EML1: variants seen among roughly 807,000 people sequenced by gnomAD.
EML1 encodes the protein EMAP like 1.
Under a neutral mutation model 110.4 loss-of-function variants are expected in EML1, and 27 were observed. The observed-to-expected ratio is 0.24, with a 90% confidence interval of 0.18 to 0.34. The LOEUF (loss-of-function observed/expected upper bound fraction) is 0.34. Among genes scored for constraint, EML1 ranks in the 10% least tolerant of loss-of-function variants. The pLI, the probability that EML1 is intolerant of heterozygous loss-of-function variation, is 1.00. For missense variants in EML1, 741 were observed against 1,030.9 expected (o/e 0.72, Z 3.85); for synonymous variants, 344 against 385.8 (o/e 0.89, Z 1.27).
At chr14:99,771,489 G>A (rs2057427973), upstream of EML1, among the ~76,000 whole-genome samples, 1 of 152,208 alleles carries the variant, frequency 6.6e-6, no homozygotes, top group South Asian at 2.1e-4. Flanking sequence ...GAGACATGTG[G>A]ATTGTTTCCA....
intron 1 of EML1, among the ~76,000 whole-genome samples, chr14:99,833,265 T>G (rs949224152): frequency 2.6e-5 from 4 of 152,236 alleles, no homozygotes; most frequent in African/African-American, 9.6e-5. Context: ...TTGAAAAGAC[T>G]GTCTTTTCTC....
At chr14:99,853,913 C>T (rs577851357) in intron 2 of EML1, among the ~76,000 whole-genome samples, 102 of 152,302 alleles carry the variant, frequency 6.7e-4, no homozygotes, top group African/African-American at 2.2e-3. Context: ...TTAGGTGATC[C>T]GCCTGCCTCG....
At chr14:99,750,810 C>T (rs1192018120) in intron 1 of EML1, among the ~76,000 whole-genome samples, 4 of 152,018 alleles carry the variant, frequency 2.6e-5, no homozygotes, top group Non-Finnish European at 5.9e-5. Flanking sequence ...GAGTCTAACC[C>T]GATCGCCCCT....
In EML1 at chr14:99,744,122, T is replaced by C. The variant is rs920520385; in HGVS notation, c.28+6262T>C. ...TTTGCCTTCATCAAAACAGCCTCTT[T>C]GGTTATTTTGTTTCTTACTCTTTTT... On this transcript the variant is annotated intron_variant, in intron 1 of 10. Coordinates refer to the EML1 transcript ENST00000554479. Among the ~76,000 whole-genome samples, 7 of 152,188 alleles carry C rather than the reference T, an allele frequency of 4.6e-5. No homozygotes were observed. In the East Asian group the frequency reaches 7.7e-4, roughly 17 times the overall value.
At chr14:99,798,203 C>T (rs1368594211) in intron 1 of EML1, among the ~76,000 whole-genome samples, 4 of 152,130 alleles carry the variant, frequency 2.6e-5, no homozygotes, top group African/African-American at 9.7e-5. Flanking sequence ...ATAGTTCTTT[C>T]TCACATCTTC....
intron 9 of EML1, among the ~76,000 whole-genome samples, chr14:99,904,101 C>T (rs2059805186): frequency 6.6e-6 from 1 of 152,094 alleles, no homozygotes; most frequent in Non-Finnish European, 1.5e-5. Context: ...CAATTTTAAT[C>T]ACTGTGACCA....
intron 1 of EML1, among the ~76,000 whole-genome samples, chr14:99,813,065 GGC>G (rs1381872883): frequency 6.6e-6 from 1 of 152,112 alleles, no homozygotes; most frequent in African/African-American, 2.4e-5. Flanking sequence ...TACTCTGTTT[GGC>G]CCAGGAACCG....
At chr14:99,754,282 C>T (rs567988441) in intron 1 of EML1, among the ~76,000 whole-genome samples, 69 of 152,376 alleles carry the variant, frequency 4.5e-4, no homozygotes, top group African/African-American at 1.6e-3. Flanking sequence ...CAGGCGGTGA[C>T]ATCACCAGCT....
chr14:99,900,039 A>G (rs2059734846), intron 8 of EML1, among the ~76,000 whole-genome samples: 1 of 152,130 alleles, frequency 6.6e-6, no homozygotes, highest in Non-Finnish European at 1.5e-5. Context: ...TGATTGCTCT[A>G]TGATGTTTTC....
intron 3 of EML1, among the ~76,000 whole-genome samples, chr14:99,866,491 A>T (rs2059102514): frequency 6.9e-6 from 1 of 145,778 alleles, no homozygotes; most frequent in African/African-American, 2.6e-5. Flanking sequence ...AATCGCTTGA[A>T]CCTGGAAGGC....
chr14:99,817,140 G>A (rs1409131293), intron 1 of EML1, among the ~76,000 whole-genome samples: 2 of 152,144 alleles, frequency 1.3e-5, no homozygotes, highest in Non-Finnish European at 2.9e-5. Flanking sequence ...GGCAGCAAAT[G>A]CTGTTGTTTT....
intron 1 of EML1, among the ~76,000 whole-genome samples, chr14:99,748,710 T>A (rs1464434817): frequency 6.6e-6 from 1 of 152,144 alleles, no homozygotes; most frequent in Non-Finnish European, 1.5e-5. Context: ...AAAGTATATA[T>A]CCAGTGGTTG....
At chr14:99,916,236 T>C (rs2060032297) in intron 15 of EML1, among the ~76,000 whole-genome samples, 1 of 152,226 alleles carries the variant, frequency 6.6e-6, no homozygotes, top group Non-Finnish European at 1.5e-5. Flanking sequence ...TAACTCAGTG[T>C]CCACTTCTCA....
chr14:99,870,509 A>C (rs2059179849), intron 3 of EML1, among the ~76,000 whole-genome samples: 1 of 152,240 alleles, frequency 6.6e-6, no homozygotes, highest in Non-Finnish European at 1.5e-5. Context: ...AAACAGCGTT[A>C]CATTGGAGGA....
intron 3 of EML1, among the ~76,000 whole-genome samples, chr14:99,874,246 C>T (rs6575751): frequency 0.36 from 55,006 of 152,030 alleles, 10,971 homozygotes; most frequent in African/African-American, 0.52. Flanking sequence ...AATGCATATG[C>T]AATGTAATAT....
At chr14:99,741,891 C>A (rs1178421591) in intron 1 of EML1, among the ~76,000 whole-genome samples, 1 of 152,124 alleles carries the variant, frequency 6.6e-6, no homozygotes, top group Non-Finnish European at 1.5e-5. Flanking sequence ...GATATGGGAA[C>A]ACCTCTGAGA....
chr14:99,931,389 C>G (rs1022869973), intron 17 of EML1, among the ~76,000 whole-genome samples: 4 of 152,208 alleles, frequency 2.6e-5, no homozygotes, highest in Non-Finnish European at 4.4e-5. Context: ...CAGAGCAAGT[C>G]TAATTGAACC....
At chr14:99,829,178 A>G (rs2058409239) in intron 1 of EML1, among the ~76,000 whole-genome samples, 2 of 152,082 alleles carry the variant, frequency 1.3e-5, no homozygotes, top group South Asian at 2.1e-4. Context: ...TCTCTGTTTG[A>G]CCAACTCCTT....
intron 3 of EML1, among the ~76,000 whole-genome samples, chr14:99,868,115 C>T (rs749023174): frequency 6.6e-6 from 1 of 152,130 alleles, no homozygotes; most frequent in Non-Finnish European, 1.5e-5. Context: ...TATTGTATCA[C>T]ATTGATTGAT....
Sources: gnomAD v4.1 joint callset for allele counts (sites outside exome capture counted in the v4.1 genomes callset) on GRCh38, gnomAD v4.1.1 for gene constraint, MANE v1.5 for transcripts, NCBI Gene and HGNC (gene_info 2026-07-23, HGNC 2026-07-21) for gene names.